The following MTA3 variants were observed in gnomAD, a reference collection of about 807,000 sequenced individuals.
The protein encoded by MTA3 is metastasis associated 1 family member 3.
A neutral mutation model predicts 83.5 loss-of-function variants in MTA3; 34 were observed. The ratio of observed to expected loss-of-function variants is 0.41; its 90% CI spans 0.31 to 0.54. The LOEUF is 0.54. Among genes scored for constraint, MTA3 ranks in the 20% least tolerant of loss-of-function variants. MTA3 has a pLI of 0.33. For missense variants in MTA3, 761 were observed against 726.4 expected (o/e 1.05, Z -0.55); for synonymous variants, 303 against 252.7 (o/e 1.20, Z -1.89).
chr2:42,576,681 A>C (rs1166361323), intron 2 of MTA3, among the ~76,000 whole-genome samples: 3 of 152,116 alleles, frequency 2.0e-5, no homozygotes, highest in Non-Finnish European at 4.4e-5. Context: ...TGGGTGGATC[A>C]CCTGAGAGGA....
In MTA3 at chr2:42,753,414, A is replaced by T. The variant is rs1351620072; in HGVS notation, c.*15A>T. 1 of 1,550,534 alleles carries T rather than the reference A, an allele frequency of 6.4e-7. No individual in the cohort carries two copies. ...TGTCAGACTGAGCTTTCCCTGATTCATTCTACAATCCAAGACTTGCTGCAC... is the reference window on the plus strand; with the variant it reads ...TGTCAGACTGAGCTTTCCCTGATTCTTTCTACAATCCAAGACTTGCTGCAC... On this transcript the variant is annotated 3_prime_UTR_variant, in exon 17 of 17. Coordinates refer to ENST00000405094, the MANE Select transcript of MTA3 (RefSeq NM_001330442.2).
chr2:42,568,810 C>T (rs746765651), intron 1 of MTA3, 37 bp downstream of exon 1: 2 of 1,214,442 alleles, frequency 1.6e-6, no homozygotes, highest in Non-Finnish European at 1.0e-6. Context: ...CGTGTGGGAG[C>T]GGGTTCCGGG....
intron 4 of MTA3, among the ~76,000 whole-genome samples, chr2:42,630,222 A>G (rs1306813584): frequency 1.3e-5 from 2 of 152,198 alleles, no homozygotes; most frequent in African/African-American, 4.8e-5. Flanking sequence ...ATTACTTTCA[A>G]TAGCAGAGAA....
chr2:42,754,038 C>T lies in MTA3; in HGVS notation c.*639C>T, dbSNP rs186275097. On this transcript the variant is annotated 3_prime_UTR_variant, in exon 17 of 17. Transcript: ENST00000405094. ...CTACTCCTCCAAGGAACAGAATTAC[C>T]GAGGTTCTGACAAAAGATAAGCCTG... 7.3e-4 allele frequency: 715 copies of T among 985,408 alleles called. 3 individuals are homozygous for T. In the African/African-American group the frequency reaches 8.5e-3, roughly 12 times the overall value. 61.0% of individuals were successfully genotyped at this position (985,408 alleles called of 1,614,324 possible). A position where few individuals can be genotyped will look rare whatever the true frequency, so the allele number is the denominator to read the frequency against.
chr2:42,572,743 T>C (rs947612057), intron 2 of MTA3, among the ~76,000 whole-genome samples: 9 of 152,200 alleles, frequency 5.9e-5, no homozygotes, highest in African/African-American at 1.9e-4. Context: ...TTTTGTTTTT[T>C]GAGATGAAGT....
intron 4 of MTA3, among the ~76,000 whole-genome samples, chr2:42,610,848 C>G (rs569112743): frequency 6.6e-6 from 1 of 152,152 alleles, no homozygotes; most frequent in African/African-American, 2.4e-5. Flanking sequence ...GTGTTTCACT[C>G]CTCTTAGGTT....
intron 4 of MTA3, among the ~76,000 whole-genome samples, 155 bp downstream of exon 4, chr2:42,609,739 G>A (rs1210559582): frequency 2.0e-5 from 3 of 152,276 alleles, no homozygotes; most frequent in Admixed American, 2.0e-4. Context: ...TTTATAATGT[G>A]TATTACCATA....
Position 42,715,355 on chromosome 2 carries a change from C to A in MTA3, c.1526-3633C>A, listed in dbSNP as rs115697814. Among the ~76,000 whole-genome samples, 426 of 149,362 alleles carry A rather than the reference C, an allele frequency of 2.9e-3. 2 individuals are homozygous for A. The highest frequency in any genetic ancestry group is 9.7e-3 in the African/African-American group (398 of 40,862). On this transcript the variant is annotated intron_variant, in intron 14 of 16. Coordinates refer to ENST00000405094, the MANE Select transcript of MTA3 (RefSeq NM_001330442.2). ...AGAGTGACTAAGGCAGTCCTAGAAT[C>A]TTTTCACTCTAATTTTTTCACAGTT...
intron 8 of MTA3, among the ~76,000 whole-genome samples, chr2:42,673,518 T>C (rs1034467560): frequency 2.0e-5 from 3 of 152,232 alleles, no homozygotes; most frequent in Non-Finnish European, 2.9e-5. Flanking sequence ...TTGAATATAG[T>C]ATATGTGTAT....
At chr2:42,706,560 A>G (rs1272620606) in intron 12 of MTA3, among the ~76,000 whole-genome samples, 2 of 152,206 alleles carry the variant, frequency 1.3e-5, no homozygotes, top group Admixed American at 1.3e-4. Context: ...TGCTGTTTGA[A>G]CATTTGAAGG....
chr2:42,669,853 C>G (rs1253076604), intron 8 of MTA3, among the ~76,000 whole-genome samples: 1 of 152,128 alleles, frequency 6.6e-6, no homozygotes, highest in East Asian at 1.9e-4. Context: ...CAGAAAGGCA[C>G]TGTAGATTTG....
intron 4 of MTA3, among the ~76,000 whole-genome samples, chr2:42,631,074 A>G (rs1039922737): frequency 6.6e-6 from 1 of 152,200 alleles, no homozygotes; most frequent in Admixed American, 6.5e-5. Context: ...CTTCCTGCTC[A>G]TTTAATTATG....
chr2:42,713,533 G>C (rs1039485813), intron 14 of MTA3, among the ~76,000 whole-genome samples: 2 of 151,986 alleles, frequency 1.3e-5, no homozygotes, highest in Non-Finnish European at 2.9e-5. Context: ...TTTTTCTAAA[G>C]GTACAAAAGT....
At chr2:42,499,298 G>T (rs1298020658) in intron 2 of MTA3, among the ~76,000 whole-genome samples, 1 of 151,602 alleles carries the variant, frequency 6.6e-6, no homozygotes, top group Non-Finnish European at 1.5e-5. Flanking sequence ...CTCCTGAGCA[G>T]CTGGGATTAC....
At chr2:42,736,067 T>C (rs1668588380) in intron 16 of MTA3, among the ~76,000 whole-genome samples, 1 of 152,162 alleles carries the variant, frequency 6.6e-6, no homozygotes, top group African/African-American at 2.4e-5. Flanking sequence ...GGCTTGTTTG[T>C]CCGCATCCTT....
intron 11 of MTA3, chr2:42,702,185 T>G (rs1267655509): frequency 6.6e-6 from 1 of 152,388 alleles, no homozygotes; most frequent in Non-Finnish European, 1.5e-5. Flanking sequence ...CACTCCAGCC[T>G]GGGTCACAAG....
chr2:42,628,267 G>T (rs1278427729), intron 4 of MTA3, among the ~76,000 whole-genome samples: 1 of 146,388 alleles, frequency 6.8e-6, no homozygotes, highest in Admixed American at 7.0e-5. Flanking sequence ...TTTTGCTCTT[G>T]TCACCCAGAC....
chr2:42,619,320 T>C (rs577823314), intron 4 of MTA3, among the ~76,000 whole-genome samples: 6 of 152,296 alleles, frequency 3.9e-5, no homozygotes, highest in African/African-American at 1.4e-4. Flanking sequence ...TTTCTTAAGA[T>C]TGTGAAGATA....
At chr2:42,495,965 A>C (rs757922906) in intron 2 of MTA3, among the ~76,000 whole-genome samples, 2 of 152,210 alleles carry the variant, frequency 1.3e-5, no homozygotes, top group Non-Finnish European at 2.9e-5. Flanking sequence ...TGTGAGCCAG[A>C]GATGAGCCTG....
Sources: allele counts gnomAD v4.1 joint callset (sites outside exome capture counted in the v4.1 genomes callset), GRCh38; gene constraint gnomAD v4.1.1; transcripts MANE v1.5; gene names NCBI Gene and HGNC (gene_info 2026-07-23, HGNC 2026-07-21).